Variants in NKAIN3 observed in about 807,000 individuals in gnomAD.
The protein encoded by NKAIN3 is sodium/potassium transporting ATPase interacting 3.
NKAIN3 carries 25 observed loss-of-function variants against 30.2 expected under a neutral mutation model. That is an observed-to-expected ratio of 0.83 (90% CI 0.60 to 1.16). NKAIN3 has a LOEUF of 1.16. Ranked by LOEUF, NKAIN3 falls within the 50% of genes most tolerant of loss-of-function variation. The probability of loss-of-function intolerance (pLI) is 0.00; values close to 1 mark genes in which losing one functional copy is unlikely to be tolerated. For missense variants in NKAIN3, 225 were observed against 254.1 expected (o/e 0.89, Z 0.78); for synonymous variants, 91 against 89.6 (o/e 1.02, Z -0.09).
At chr8:62,576,614 C>T (rs1191108798) in intron 1 of NKAIN3, among the ~76,000 whole-genome samples, 2 of 152,076 alleles carry the variant, frequency 1.3e-5, no homozygotes, top group African/African-American at 2.4e-5. Flanking sequence ...CATAGGTTCT[C>T]GAAACATGCA....
At position 62,925,902 on chromosome 8, in the gene NKAIN3, C is replaced by A. The variant is rs187309789; in HGVS notation, c.532+7389C>A. Among the ~76,000 whole-genome samples the A allele has an allele frequency of 7.2e-5, 11 of 152,244 alleles. No individual in the cohort carries two copies. The East Asian group carries it at 1.9e-3, about 27-fold the overall frequency. ...TCAGCACTAAAACAGGCCCTCTACA[C>A]GAATGCCTGCCCGCTCAGAAGGAGG... On this transcript the variant is annotated intron_variant, in intron 5 of 6. Transcript: ENST00000623646.
At chr8:62,559,153 A>G (rs372275257) in intron 1 of NKAIN3, among the ~76,000 whole-genome samples, 2 of 152,048 alleles carry the variant, frequency 1.3e-5, no homozygotes, top group African/African-American at 4.8e-5. Context: ...GCTTCTGGGT[A>G]GCAGAAGCAA....
At chr8:62,957,132 T>C (rs368997584) in intron 6 of NKAIN3, among the ~76,000 whole-genome samples, 1 of 119,196 alleles carries the variant, frequency 8.4e-6, no homozygotes, top group Admixed American at 8.9e-5. Context: ...CCGATATTTA[T>C]AGCAGCCTTT....
intron 4 of NKAIN3, among the ~76,000 whole-genome samples, chr8:62,793,913 AC>A (rs1239344311): frequency 6.6e-6 from 1 of 152,206 alleles, no homozygotes; most frequent in African/African-American, 2.4e-5. Flanking sequence ...GGGGGAAATC[AC>A]TAATAAAGTC....
intron 1 of NKAIN3, among the ~76,000 whole-genome samples, chr8:62,313,344 G>A (rs892786385): frequency 2.0e-5 from 3 of 152,034 alleles, no homozygotes; most frequent in Admixed American, 1.3e-4. Context: ...AACAATGAAA[G>A]TTGTGTCTTT....
intron 1 of NKAIN3, among the ~76,000 whole-genome samples, chr8:62,447,373 G>C (rs987166236): frequency 7.9e-5 from 12 of 152,130 alleles, no homozygotes; most frequent in East Asian, 5.8e-4. Context: ...CATTTAGTGA[G>C]ATGAAGTCAA....
chr8:62,703,097 T>TG (rs1239168313), intron 3 of NKAIN3, among the ~76,000 whole-genome samples: 2 of 152,044 alleles, frequency 1.3e-5, no homozygotes, highest in Non-Finnish European at 2.9e-5. Context: ...TCATTATGGG[T>TG]GGGGGTTGGG....
At position 62,646,837 on chromosome 8, in the gene NKAIN3, G is replaced by A. The variant is rs547394424; in HGVS notation, c.273+57043G>A. On this transcript the variant is annotated intron_variant, in intron 3 of 6. Coordinates refer to ENST00000623646, the MANE Select transcript of NKAIN3 (RefSeq NM_001304533.3). ...ATATTTTAAAGGTACAGTAGAACAG[G>A]CCAATCACAAAATAAAAACTCCAAG... Among the ~76,000 whole-genome samples the A allele has an allele frequency of 5.9e-5, 9 of 152,104 alleles. No homozygotes were observed. The South Asian group carries it at 1.9e-3, about 32-fold the overall frequency.
intron 1 of NKAIN3, among the ~76,000 whole-genome samples, chr8:62,566,069 A>G (rs1809741749): frequency 6.6e-6 from 1 of 152,130 alleles, no homozygotes; most frequent in African/African-American, 2.4e-5. Flanking sequence ...CTCCATTTTT[A>G]AGGCATTTAT....
chr8:62,617,984 C>A (rs1449363288), intron 3 of NKAIN3, among the ~76,000 whole-genome samples: 3 of 152,188 alleles, frequency 2.0e-5, no homozygotes, highest in Non-Finnish European at 4.4e-5. Context: ...TGAATTCAAG[C>A]ATCAAAGACT....
intron 1 of NKAIN3, among the ~76,000 whole-genome samples, chr8:62,577,407 C>A (rs2130048536): frequency 6.7e-6 from 1 of 150,012 alleles, no homozygotes; most frequent in East Asian, 2.0e-4. Flanking sequence ...TTTGAAAGTT[C>A]ACCTTAAAGC....
intron 4 of NKAIN3, among the ~76,000 whole-genome samples, chr8:62,748,428 C>A (rs898424316): frequency 1.3e-5 from 2 of 152,172 alleles, no homozygotes; most frequent in African/African-American, 4.8e-5. Context: ...ATTTGTCAAG[C>A]CTCTACGTGA....
chr8:62,639,687 A>G (rs1812247459), intron 3 of NKAIN3, among the ~76,000 whole-genome samples: 1 of 152,152 alleles, frequency 6.6e-6, no homozygotes, highest in Admixed American at 6.5e-5. Context: ...ATTAGAAGTG[A>G]TAAAAATAGA....
At chr8:62,280,048 G>C (rs142866596) in intron 1 of NKAIN3, among the ~76,000 whole-genome samples, 2 of 151,960 alleles carry the variant, frequency 1.3e-5, no homozygotes, top group Admixed American at 6.6e-5. Context: ...CTTTTATTTC[G>C]TGGAGCAGTG....
chr8:62,763,221 C>CAAAAAAAAAAAAAAA (rs55873861), intron 4 of NKAIN3, among the ~76,000 whole-genome samples: 4 of 47,188 alleles, frequency 8.5e-5, no homozygotes, highest in African/African-American at 1.8e-4. Context: ...GACTCCGTCT[C>CAAAAAAAAAAAAAAA]AAAAAAAAAA....
chr8:62,744,268 G>C (rs1470929784), intron 3 of NKAIN3, among the ~76,000 whole-genome samples: 1 of 152,118 alleles, frequency 6.6e-6, no homozygotes, highest in Non-Finnish European at 1.5e-5. Context: ...TGAAGTTTAA[G>C]TATAATTTAA....
chr8:62,861,044 A>AGC, intron 4 of NKAIN3, among the ~76,000 whole-genome samples: 1 of 152,320 alleles, frequency 6.6e-6, no homozygotes, highest in East Asian at 1.9e-4. Flanking sequence ...GTGGCTGCCT[A>AGC]GCTAGATATT....
chr8:62,923,734 G>A (rs565469779), intron 5 of NKAIN3, among the ~76,000 whole-genome samples: 11 of 152,246 alleles, frequency 7.2e-5, no homozygotes, highest in African/African-American at 2.6e-4. Context: ...TGTGGTGAAG[G>A]GGACAGAGTT....
downstream of NKAIN3, among the ~76,000 whole-genome samples, chr8:62,988,196 A>G (rs1824243077): frequency 6.6e-6 from 1 of 152,098 alleles, no homozygotes; most frequent in Non-Finnish European, 1.5e-5. Context: ...AGCTGCTTTC[A>G]TGGGCTGGTT....
Sources: allele counts gnomAD v4.1 joint callset (sites outside exome capture counted in the v4.1 genomes callset), GRCh38; gene constraint gnomAD v4.1.1; transcripts MANE v1.5; gene names NCBI Gene and HGNC (gene_info 2026-07-23, HGNC 2026-07-21).